Variants in MGMT observed in about 807,000 individuals in gnomAD.
The protein encoded by MGMT is O-6-methylguanine-DNA methyltransferase, also known as methylated-DNA--protein-cysteine methyltransferase.
Under a neutral mutation model 15.9 loss-of-function variants are expected in MGMT, and 14 were observed. That is an observed-to-expected ratio of 0.88 (90% CI 0.58 to 1.37). MGMT has a LOEUF of 1.37. MGMT is among the 40% of genes most tolerant of loss of function. MGMT has a pLI of 0.00. For synonymous variants in MGMT, 130 were observed against 118.2 expected (o/e 1.10, Z -0.65); for missense variants, 282 against 268.1 (o/e 1.05, Z -0.36).
chr10:129,496,335 C>T (rs943883106), intron 1 of MGMT, among the ~76,000 whole-genome samples: 3 of 151,950 alleles, frequency 2.0e-5, no homozygotes, highest in African/African-American at 7.3e-5. Flanking sequence ...CCATAGGCTC[C>T]AATAACAATA....
At chr10:129,719,686 A>G (rs896308036) in intron 3 of MGMT, among the ~76,000 whole-genome samples, 1 of 152,138 alleles carries the variant, frequency 6.6e-6, no homozygotes, top group Admixed American at 6.5e-5. Flanking sequence ...GAACAACCGA[A>G]TGAGAACTTC....
chr10:129,707,911 G>T lies in MGMT; in HGVS notation c.142G>T (p.Ala48Ser). 3.1e-6 allele frequency: 5 copies of T among 1,611,756 alleles called. No homozygotes were observed. Among genetic ancestry groups the T allele is most frequent in the Non-Finnish European group, 4.2e-6 (5 of 1,179,948 alleles). Reference sequence around the variant, plus strand: ...CTTTTGCAGTGCCGTGGAGGTCCCAGCCCCCGCTGCGGTTCTCGGAGGTCC... The same window carrying T: ...CTTTTGCAGTGCCGTGGAGGTCCCATCCCCCGCTGCGGTTCTCGGAGGTCC... ...TSAADAVEVPAPAAVLGGPEP... is the reference protein window; with the variant it reads ...TSAADAVEVPSPAAVLGGPEP... Residue 48 changes from alanine to serine, a missense_variant, in exon 3 of 5, where the codon GCC (alanine) becomes TCC (serine). Coordinates refer to ENST00000651593, the MANE Select transcript of MGMT (RefSeq NM_002412.5).
At chr10:129,522,399 T>G (rs973075764) in intron 1 of MGMT, among the ~76,000 whole-genome samples, 8 of 152,132 alleles carry the variant, frequency 5.3e-5, no homozygotes, top group African/African-American at 1.9e-4. Context: ...CCTGTGTGGG[T>G]GTGTGACTCC....
chr10:129,498,457 C>T (rs146406723), intron 1 of MGMT, among the ~76,000 whole-genome samples: 36 of 152,308 alleles, frequency 2.4e-4, no homozygotes, highest in South Asian at 4.1e-4. Context: ...CATTTACCAA[C>T]GGGAACTGTT....
intron 1 of MGMT, among the ~76,000 whole-genome samples, chr10:129,515,267 G>A (rs373972752): frequency 6.6e-5 from 10 of 152,342 alleles, no homozygotes; most frequent in African/African-American, 2.2e-4. Context: ...CCAAGGCCCC[G>A]TCAGGAGCAG....
intron 2 of MGMT, among the ~76,000 whole-genome samples, chr10:129,670,746 A>G (rs1255702103): frequency 6.6e-6 from 1 of 152,194 alleles, no homozygotes; most frequent in African/African-American, 2.4e-5. Context: ...GTGACAACAG[A>G]CAAAATGGAC....
intron 2 of MGMT, among the ~76,000 whole-genome samples, chr10:129,698,586 GCTCT>G (rs1181940010): frequency 2.6e-5 from 4 of 152,202 alleles, no homozygotes; most frequent in Non-Finnish European, 5.9e-5. Flanking sequence ...TTAGAAAGCA[GCTCT>G]GTTCACTGCC....
intron 1 of MGMT, among the ~76,000 whole-genome samples, chr10:129,531,122 G>A (rs918484832): frequency 6.6e-6 from 1 of 152,072 alleles, no homozygotes; most frequent in Non-Finnish European, 1.5e-5. Context: ...GGGGCTGTGG[G>A]TCTGGCCTCC....
chr10:129,734,554 C>T (rs1848538587), intron 3 of MGMT, among the ~76,000 whole-genome samples: 1 of 152,048 alleles, frequency 6.6e-6, no homozygotes, highest in East Asian at 1.9e-4. Context: ...CCCTTTATTT[C>T]CTTCTCCTGC....
intron 2 of MGMT, among the ~76,000 whole-genome samples, chr10:129,567,438 A>G (rs1199461915): frequency 6.6e-6 from 1 of 152,140 alleles, no homozygotes; most frequent in Non-Finnish European, 1.5e-5. Flanking sequence ...GCCACTGAGC[A>G]TCCTGGAAAC....
In MGMT at chr10:129,493,780, A is replaced by G. The variant is rs369288996; in HGVS notation, c.-13+26484A>G. Among the ~76,000 whole-genome samples the G allele has an allele frequency of 6.6e-5, 10 of 152,238 alleles. No individual in the cohort carries two copies. The East Asian group carries it at 1.7e-3, about 26-fold the overall frequency. On this transcript the variant is annotated intron_variant, in intron 1 of 4. Transcript: ENST00000651593. Reference sequence around the variant, plus strand: ...ACTAATATTTATATTTCTGCCTTCAATCTGGGAAGCAGCCCTTTTCAGAAA... The same window carrying G: ...ACTAATATTTATATTTCTGCCTTCAGTCTGGGAAGCAGCCCTTTTCAGAAA...
chr10:129,635,360 C>T (rs936652874), intron 2 of MGMT, among the ~76,000 whole-genome samples: 1 of 152,336 alleles, frequency 6.6e-6, no homozygotes, highest in Admixed American at 6.5e-5. Context: ...GCTCCATCCC[C>T]TCAGTTTGGG....
At chr10:129,594,123 C>T (rs1846722814) in intron 2 of MGMT, among the ~76,000 whole-genome samples, 1 of 152,168 alleles carries the variant, frequency 6.6e-6, no homozygotes, top group Admixed American at 6.5e-5. Flanking sequence ...TGTGTTGGTG[C>T]CTGAGGCCTC....
At chr10:129,519,600 C>G (rs751768869) in intron 1 of MGMT, among the ~76,000 whole-genome samples, 6 of 152,278 alleles carry the variant, frequency 3.9e-5, no homozygotes, top group South Asian at 4.1e-4. Flanking sequence ...GTTGGGAACA[C>G]CGGGAGCCGC....
chr10:129,624,228 C>T (rs1847121182), intron 2 of MGMT, among the ~76,000 whole-genome samples: 1 of 152,218 alleles, frequency 6.6e-6, no homozygotes, highest in Non-Finnish European at 1.5e-5. Flanking sequence ...AGGGTTTGTG[C>T]ACCTCACTCA....
chr10:129,508,944 G>A (rs935823818), intron 1 of MGMT, among the ~76,000 whole-genome samples: 1 of 152,130 alleles, frequency 6.6e-6, no homozygotes, highest in African/African-American at 2.4e-5. Flanking sequence ...TCATGAACAA[G>A]GTTTGTGGAT....
chr10:129,626,332 C>T (rs867273829), intron 2 of MGMT, among the ~76,000 whole-genome samples: 1 of 152,194 alleles, frequency 6.6e-6, no homozygotes, highest in Non-Finnish European at 1.5e-5. Context: ...TTAATTTATT[C>T]GTGTCTCGTA....
chr10:129,629,174 C>G (rs563890600), intron 2 of MGMT, among the ~76,000 whole-genome samples: 7 of 152,216 alleles, frequency 4.6e-5, no homozygotes, highest in Admixed American at 4.6e-4. Context: ...GTGAGTGGCT[C>G]GTATTCTTTT....
intron 3 of MGMT, among the ~76,000 whole-genome samples, chr10:129,722,852 A>C (rs1275151001): frequency 6.6e-6 from 1 of 152,042 alleles, no homozygotes; most frequent in Non-Finnish European, 1.5e-5. Context: ...CTAAAAACAC[A>C]AAAAACAGCC....
Sources: allele counts gnomAD v4.1 joint callset (sites outside exome capture counted in the v4.1 genomes callset), GRCh38; gene constraint gnomAD v4.1.1; transcripts MANE v1.5; gene names NCBI Gene and HGNC (gene_info 2026-07-23, HGNC 2026-07-21).